Variants in ZNF257 observed in about 807,000 individuals in gnomAD.
The protein encoded by ZNF257 is zinc finger protein 257.
Under a neutral mutation model 11.9 loss-of-function variants are expected in ZNF257, and 12 were observed. That is an observed-to-expected ratio of 1.01 (90% confidence interval 0.65 to 1.63). The LOEUF is 1.63. ZNF257 is among the 40% of genes most tolerant of loss of function. The pLI is 0.00. For missense variants in ZNF257, 580 were observed against 665.5 expected (o/e 0.87, Z 1.41); for synonymous variants, 183 against 222.7 (o/e 0.82, Z 1.59).
At chr19:22,054,914 CT>C (rs58547883) in intron 1 of ZNF257, among the ~76,000 whole-genome samples, 11,348 of 110,628 alleles carry the variant, frequency 0.1, 1,361 homozygotes, top group African/African-American at 0.35. Context: ...GCTACTGGGT[CT>C]TTTTTTTTTT....
chr19:22,082,200 G>T (rs1371401439), intron 3 of ZNF257, among the ~76,000 whole-genome samples: 3 of 152,088 alleles, frequency 2.0e-5, no homozygotes, highest in African/African-American at 7.3e-5. Context: ...TTCTGTAGAA[G>T]AAATTTAGGG....
intron 3 of ZNF257, among the ~76,000 whole-genome samples, chr19:22,081,454 G>T (rs987491810): frequency 6.6e-6 from 1 of 151,834 alleles, no homozygotes; most frequent in African/African-American, 2.4e-5. Flanking sequence ...ATTCTAAAAT[G>T]AATCTCTTGT....
chr19:22,059,499 C>A (rs1030075000), intron 1 of ZNF257, among the ~76,000 whole-genome samples: 1 of 151,910 alleles, frequency 6.6e-6, no homozygotes, highest in Non-Finnish European at 1.5e-5. Context: ...GTTGGCCAGG[C>A]TGGTCTCGAA....
chr19:22,086,152 C>T (rs2022471960), intron 3 of ZNF257, among the ~76,000 whole-genome samples: 1 of 151,894 alleles, frequency 6.6e-6, no homozygotes. Flanking sequence ...TCCATTGTGT[C>T]TGTTTCATTT....
At chr19:22,052,769 C>T (rs914903038) in intron 1 of ZNF257, 134 bp downstream of exon 1, 3 of 1,102,818 alleles carry the variant, frequency 2.7e-6, no homozygotes, top group African/African-American at 3.1e-5. Flanking sequence ...TTGGCCAGCT[C>T]GGCCTCGGTC....
chr19:22,054,563 A>AT (rs753489631), intron 1 of ZNF257, among the ~76,000 whole-genome samples: 43 of 152,174 alleles, frequency 2.8e-4, no homozygotes, highest in Non-Finnish European at 4.3e-4. Flanking sequence ...TTTAGTTTAC[A>AT]TTTTTTATAC....
intron 3 of ZNF257, among the ~76,000 whole-genome samples, chr19:22,080,440 T>G (rs2022331732): frequency 6.6e-6 from 1 of 152,136 alleles, no homozygotes; most frequent in Non-Finnish European, 1.5e-5. Flanking sequence ...CTCCTTCACC[T>G]TACACTTGCT....
rs2022586164 is a variant in ZNF257, at chr19:22,089,758, A to G, written c.*316A>G. 2.5e-6 allele frequency: 1 copy of G among 406,838 alleles called. No individual in the cohort carries two copies. The highest frequency in any genetic ancestry group is 2.8e-5 in the South Asian group (1 of 35,614). 25.2% of individuals were successfully genotyped at this position (406,838 alleles called of 1,614,324 possible). ...TAAAAGTTCTCAACCCTTATTACAC[A>G]TAATTTATACTGGACAGAAATCCTA... On this transcript the variant is annotated 3_prime_UTR_variant, in exon 4 of 4. Coordinates refer to ENST00000594947, the MANE Select transcript of ZNF257 (RefSeq NM_033468.4).
chr19:22,087,211 A>G (rs890185656), intron 3 of ZNF257, among the ~76,000 whole-genome samples: 1 of 151,726 alleles, frequency 6.6e-6, no homozygotes, highest in African/African-American at 2.4e-5. Context: ...TACACATTGT[A>G]ATCTTTGAGA....
intron 1 of ZNF257, among the ~76,000 whole-genome samples, chr19:22,054,914 CTTTTT>C (rs58547883): frequency 9.0e-6 from 1 of 110,630 alleles, no homozygotes; most frequent in Non-Finnish European, 1.9e-5. Context: ...GCTACTGGGT[CTTTTT>C]TTTTTTTTTT....
Position 22,089,316 on chromosome 19 carries a change from G to C in ZNF257, c.1566G>C (p.Lys522Asn), listed in dbSNP as rs1599677754. The change falls in exon 4 of 4, where the codon AAG becomes AAC. Residue 522 changes from lysine (K) to asparagine (N), a missense_variant. Coordinates refer to ENST00000594947, the MANE Select transcript of ZNF257 (RefSeq NM_033468.4). Reference protein sequence around the residue: ...EKPYKCEECGKPFNRFSYLTV... With the variant: ...EKPYKCEECGNPFNRFSYLTV... ...CCTACAAATGTGAAGAATGTGGCAAGCCTTTTAATCGTTTCTCATACCTTA... is the reference window on the plus strand; with the variant it reads ...CCTACAAATGTGAAGAATGTGGCAACCCTTTTAATCGTTTCTCATACCTTA... 2.5e-6 allele frequency: 4 copies of C among 1,613,496 alleles called. No individual in the cohort carries two copies. The East Asian group carries it at 6.7e-5, about 27-fold the overall frequency.
intron 1 of ZNF257, among the ~76,000 whole-genome samples, chr19:22,067,879 T>TC (rs140435609): frequency 0.13 from 19,338 of 147,464 alleles, 1,417 homozygotes; most frequent in Middle Eastern, 0.2. Flanking sequence ...CAATTATGTC[T>TC]CCCCCCCGCT....
chr19:22,073,075 GT>G, intron 2 of ZNF257, 140 bp downstream of exon 2: 1 of 1,063,578 alleles, frequency 9.4e-7, no homozygotes, highest in Non-Finnish European at 1.3e-6. Context: ...TCATATCCCT[GT>G]TTTCAAGAAA....
intron 3 of ZNF257, among the ~76,000 whole-genome samples, chr19:22,082,976 T>C (rs2022393729): frequency 6.6e-6 from 1 of 152,152 alleles, no homozygotes; most frequent in Non-Finnish European, 1.5e-5. Flanking sequence ...TTTATAAATA[T>C]TATCCCTGTG....
At chr19:22,074,802 C>A (rs554842396) in intron 3 of ZNF257, among the ~76,000 whole-genome samples, 1 of 151,292 alleles carries the variant, frequency 6.6e-6, no homozygotes, top group Non-Finnish European at 1.5e-5. Context: ...GGTTTTAATG[C>A]GCTGCTTATG....
At chr19:22,056,830 G>T (rs116118981) in intron 1 of ZNF257, among the ~76,000 whole-genome samples, 2,704 of 152,138 alleles carry the variant, frequency 0.018, 75 homozygotes, top group African/African-American at 0.061. Context: ...GGTTTCAAAC[G>T]CAATTCCAAG....
intron 1 of ZNF257, chr19:22,063,971 T>G (rs2021873227): frequency 1.3e-5 from 2 of 152,266 alleles, no homozygotes; most frequent in Non-Finnish European, 2.9e-5. Context: ...CTCCTACTGT[T>G]GTGTCAGAAT....
intron 1 of ZNF257, among the ~76,000 whole-genome samples, chr19:22,067,149 T>C (rs1367455961): frequency 2.0e-5 from 3 of 152,154 alleles, no homozygotes; most frequent in African/African-American, 7.2e-5. Context: ...TATCTGCCTA[T>C]TTGGTATCTA....
At chr19:22,052,875 C>T (rs987849197) in intron 1 of ZNF257, among the ~76,000 whole-genome samples, 1 of 152,096 alleles carries the variant, frequency 6.6e-6, no homozygotes, top group African/African-American at 2.4e-5. Flanking sequence ...CTGGATCCCT[C>T]TCTCGGCAGC....
Sources: allele counts gnomAD v4.1 joint callset (sites outside exome capture counted in the v4.1 genomes callset), GRCh38; gene constraint gnomAD v4.1.1; transcripts MANE v1.5; gene names NCBI Gene and HGNC (gene_info 2026-07-23, HGNC 2026-07-21).